The following CLPB variants were observed in gnomAD, a reference collection of about 807,000 sequenced individuals.
CLPB encodes ClpB family mitochondrial disaggregase, also known as mitochondrial disaggregase.
Under a neutral mutation model 78.4 loss-of-function variants are expected in CLPB, and 40 were observed. The ratio of observed to expected loss-of-function variants is 0.51; its 90% CI spans 0.40 to 0.66. The LOEUF (loss-of-function observed/expected upper bound fraction) is 0.66, where lower values mean the gene tolerates loss of function less well. Among genes scored for constraint, CLPB ranks in the 30% least tolerant of loss-of-function variants. The pLI is 0.00. For synonymous variants in CLPB, 333 were observed against 348.0 expected (o/e 0.96, Z 0.48); for missense variants, 780 against 886.9 (o/e 0.88, Z 1.53).
At chr11:72,349,221 A>G (rs1011690491) in intron 5 of CLPB, among the ~76,000 whole-genome samples, 2 of 152,198 alleles carry the variant, frequency 1.3e-5, no homozygotes, top group Non-Finnish European at 2.9e-5. Flanking sequence ...GGCTTGCTTG[A>G]CAGCAAGGCA....
chr11:72,346,341 A>G (rs79577700), intron 5 of CLPB, among the ~76,000 whole-genome samples: 2,694 of 152,276 alleles, frequency 0.018, 39 homozygotes, highest in East Asian at 0.068. Context: ...ATGTATATAC[A>G]TGTATGTGTA....
intron 6 of CLPB, among the ~76,000 whole-genome samples, chr11:72,327,046 G>A (rs1950145297): frequency 6.6e-6 from 1 of 152,234 alleles, no homozygotes; most frequent in Non-Finnish European, 1.5e-5. Context: ...TGGATGAAGG[G>A]ATCAAGTGCA....
In CLPB at chr11:72,302,096, C is replaced by A. The variant is rs139211016; in HGVS notation, c.1168-132G>T. 96 of 1,085,830 alleles carry A rather than the reference C, an allele frequency of 8.8e-5. No individual in the cohort carries two copies. The African/African-American group carries it at 1.3e-3, about 14-fold the overall frequency. 67.3% of individuals were successfully genotyped at this position (1,085,830 alleles called of 1,614,324 possible). A position where few individuals can be genotyped will look rare whatever the true frequency, so the allele number is the denominator to read the frequency against. ...TCAACAGAGATGATTGGCTGTCCAT[C>A]TCCTGGTGTGGCAGATAGATCTTCT... On this transcript the variant is annotated intron_variant, in intron 10 of 15. Coordinates refer to ENST00000538039, the MANE Select transcript of CLPB (RefSeq NM_001258392.3).
intron 3 of CLPB, among the ~76,000 whole-genome samples, chr11:72,388,917 G>A (rs999729543): frequency 3.3e-5 from 5 of 152,134 alleles, no homozygotes; most frequent in Non-Finnish European, 7.3e-5. Flanking sequence ...TGGTGAAAAC[G>A]GGCTCAGCAG....
chr11:72,371,637 G>A (rs1028213697), intron 4 of CLPB, among the ~76,000 whole-genome samples: 9 of 152,102 alleles, frequency 5.9e-5, no homozygotes, highest in African/African-American at 1.9e-4. Flanking sequence ...GGCTGGTCTT[G>A]AACACCTGGG....
chr11:72,356,282 TAAA>T (rs375776547), intron 5 of CLPB, among the ~76,000 whole-genome samples: 4 of 136,740 alleles, frequency 2.9e-5, no homozygotes, highest in Non-Finnish European at 4.7e-5. Context: ...CTGTCTCAAT[TAAA>T]AAAAAAAAAA....
chr11:72,296,899 G>A (rs1004200771), intron 11 of CLPB, among the ~76,000 whole-genome samples: 8 of 152,160 alleles, frequency 5.3e-5, no homozygotes, highest in Admixed American at 1.3e-4. Flanking sequence ...TAACTTGTTC[G>A]AGGTTTCACA....
chr11:72,325,222 T>C (rs1156768056), intron 6 of CLPB, among the ~76,000 whole-genome samples: 2 of 152,224 alleles, frequency 1.3e-5, no homozygotes, highest in Non-Finnish European at 2.9e-5. Context: ...AAAATGGTCC[T>C]GGCTTTAAGT....
chr11:72,368,698 G>GTGAA (rs1354545894), intron 4 of CLPB, among the ~76,000 whole-genome samples: 1 of 152,138 alleles, frequency 6.6e-6, no homozygotes, highest in Non-Finnish European at 1.5e-5. Context: ...CACTTCTTTA[G>GTGAA]TGAATGGATG....
At chr11:72,343,072 G>T (rs1201635922) in intron 5 of CLPB, among the ~76,000 whole-genome samples, 1 of 152,210 alleles carries the variant, frequency 6.6e-6, no homozygotes, top group Non-Finnish European at 1.5e-5. Flanking sequence ...GAGAAGAGGG[G>T]TTATCAAGAG....
At chr11:72,335,925 G>C (rs533747928) in intron 5 of CLPB, among the ~76,000 whole-genome samples, 7 of 152,258 alleles carry the variant, frequency 4.6e-5, no homozygotes, top group African/African-American at 1.4e-4. Flanking sequence ...AAAGTCCCCA[G>C]TTTCTTTGCT....
At chr11:72,405,655 A>G (rs568763404) in intron 2 of CLPB, among the ~76,000 whole-genome samples, 1 of 152,254 alleles carries the variant, frequency 6.6e-6, no homozygotes, top group East Asian at 1.9e-4. Context: ...AAGGCCGGGC[A>G]CGGTGGCTCA....
intron 5 of CLPB, among the ~76,000 whole-genome samples, chr11:72,331,333 G>A (rs932211460): frequency 1.1e-4 from 16 of 151,584 alleles, no homozygotes; most frequent in Non-Finnish European, 2.9e-5. Context: ...GAACCCGGGA[G>A]GCGGAGCTTG....
At chr11:72,425,975 G>A (rs1042630336) in intron 2 of CLPB, among the ~76,000 whole-genome samples, 2 of 152,004 alleles carry the variant, frequency 1.3e-5, no homozygotes, top group African/African-American at 4.8e-5. Context: ...AGTTTACCCC[G>A]ACTCTGTCAT....
intron 2 of CLPB, among the ~76,000 whole-genome samples, chr11:72,403,556 C>T (rs914306792): frequency 1.3e-5 from 2 of 152,198 alleles, no homozygotes; most frequent in African/African-American, 2.4e-5. Flanking sequence ...TTTCCCAATG[C>T]TAGGAACAGA....
At chr11:72,313,013 G>A (rs999180662) in intron 7 of CLPB, among the ~76,000 whole-genome samples, 4 of 152,104 alleles carry the variant, frequency 2.6e-5, no homozygotes, top group Non-Finnish European at 4.4e-5. Flanking sequence ...AGGCAAGAGC[G>A]GCCTCCTCCT....
intron 6 of CLPB, among the ~76,000 whole-genome samples, chr11:72,318,508 T>C (rs910472106): frequency 6.6e-6 from 1 of 152,124 alleles, no homozygotes; most frequent in African/African-American, 2.4e-5. Flanking sequence ...GGAGGCTCCT[T>C]TCCCCCAAGC....
chr11:72,304,842 T>C (rs1949718020), intron 9 of CLPB, among the ~76,000 whole-genome samples: 1 of 152,186 alleles, frequency 6.6e-6, no homozygotes, highest in Non-Finnish European at 1.5e-5. Context: ...TAAAAGTCTA[T>C]TTTACACTGG....
At chr11:72,429,201 C>T (rs1366026377) in intron 2 of CLPB, 1 of 152,292 alleles carries the variant, frequency 6.6e-6, no homozygotes, top group Non-Finnish European at 1.5e-5. Flanking sequence ...GATGCATCAT[C>T]GCATGTTTAT....
Sources: allele counts gnomAD v4.1 joint callset (sites outside exome capture counted in the v4.1 genomes callset), GRCh38; gene constraint gnomAD v4.1.1; transcripts MANE v1.5; gene names NCBI Gene and HGNC (gene_info 2026-07-23, HGNC 2026-07-21).